The following ZSCAN25 variants were observed in gnomAD, a reference collection of about 807,000 sequenced individuals.
The protein encoded by ZSCAN25 is zinc finger and SCAN domain containing 25.
A neutral mutation model predicts 38.7 loss-of-function variants in ZSCAN25; 27 were observed. The observed-to-expected ratio is 0.70, with a 90% confidence interval of 0.51 to 0.96. The LOEUF (loss-of-function observed/expected upper bound fraction) is 0.96. Among genes scored for constraint, ZSCAN25 ranks in the 40% least tolerant of loss-of-function variants. The pLI, the probability that ZSCAN25 is intolerant of heterozygous loss-of-function variation, is 0.00. For missense variants in ZSCAN25, 637 were observed against 705.9 expected, an observed-to-expected ratio of 0.90 and a Z score of 1.11; for synonymous variants, 273 against 277.7, an observed-to-expected ratio of 0.98 and a Z score of 0.17.
At chr7:99,714,265 G>T in the ZSCAN25 span, among the ~76,000 whole-genome samples, 1 of 152,142 alleles carries the variant, frequency 6.6e-6, no homozygotes, top group African/African-American at 2.4e-5. Context: ...ACAATTTATT[G>T]AAGGGAAGTG....
chr7:99,704,425 A>C, the ZSCAN25 span, among the ~76,000 whole-genome samples: 1 of 151,840 alleles, frequency 6.6e-6, no homozygotes, highest in African/African-American at 2.4e-5. Context: ...TGGGTAGCTG[A>C]GATTACAGGC....
chr7:99,628,098 A>T (rs181657661), intron 7 of ZSCAN25, among the ~76,000 whole-genome samples: 2 of 152,132 alleles, frequency 1.3e-5, no homozygotes. Context: ...ACAAAAAGGA[A>T]AAAAAGGGTA....
the ZSCAN25 span, among the ~76,000 whole-genome samples, chr7:99,665,800 A>G: frequency 1.3e-5 from 2 of 152,282 alleles, no homozygotes; most frequent in Admixed American, 1.3e-4. Context: ...TAGAAATATC[A>G]TCCTTTATTC....
the ZSCAN25 span, among the ~76,000 whole-genome samples, chr7:99,664,301 A>C: frequency 2.6e-5 from 4 of 152,226 alleles, no homozygotes; most frequent in Admixed American, 2.0e-4. Context: ...TACAGCAGTG[A>C]GATCAATGGC....
At chr7:99,717,552 T>C in the ZSCAN25 span, 2 of 1,613,622 alleles carry the variant, frequency 1.2e-6, no homozygotes, top group East Asian at 2.2e-5. Context: ...CTGGTGAATG[T>C]TGGAGACAGC....
At chr7:99,708,883 T>C in the ZSCAN25 span, 2 of 923,406 alleles carry the variant, frequency 2.2e-6, no homozygotes, top group African/African-American at 1.7e-5. Context: ...GTTTGTAAAG[T>C]GTGACAATGA....
chr7:99,719,676 G>A, the ZSCAN25 span, among the ~76,000 whole-genome samples: 4 of 152,026 alleles, frequency 2.6e-5, no homozygotes, highest in African/African-American at 9.7e-5. Flanking sequence ...AAAAACACTC[G>A]TGACTGTAGG....
chr7:99,657,801 CTCT>C, the ZSCAN25 span, among the ~76,000 whole-genome samples: 295 of 152,256 alleles, frequency 1.9e-3, no homozygotes, highest in Non-Finnish European at 3.4e-3. Context: ...GGATAGTTAG[CTCT>C]TCTTGTTGAA....
At chr7:99,658,306 G>C in the ZSCAN25 span, among the ~76,000 whole-genome samples, 1 of 152,070 alleles carries the variant, frequency 6.6e-6, no homozygotes, top group South Asian at 2.1e-4. Context: ...GCATTTGCTT[G>C]TCTGTAAAGT....
the ZSCAN25 span, chr7:99,676,095 A>G: frequency 1.2e-6 from 2 of 1,605,930 alleles, no homozygotes; most frequent in Non-Finnish European, 1.7e-6. Flanking sequence ...GAAGCAAAAG[A>G]GGAAGCTCAA....
chr7:99,717,363 A>G, the ZSCAN25 span: 1,392,860 of 1,603,298 alleles, frequency 0.87, 615,846 homozygotes, highest in Non-Finnish European at 0.92. Flanking sequence ...GTGACATTGT[A>G]TAATGAATTT....
the ZSCAN25 span, among the ~76,000 whole-genome samples, chr7:99,675,230 G>A: frequency 6.6e-6 from 1 of 152,198 alleles, no homozygotes; most frequent in Non-Finnish European, 1.5e-5. Context: ...ATTACAATGC[G>A]TGCTCTGAGC....
At chr7:99,620,111 C>G in intron 4 of ZSCAN25, 118 bp downstream of exon 4, 1 of 1,378,134 alleles carries the variant, frequency 7.3e-7, no homozygotes, top group Non-Finnish European at 9.5e-7. Flanking sequence ...CTCCTCTGCC[C>G]TCAGACTCCC....
chr7:99,646,314 G>A, the ZSCAN25 span, among the ~76,000 whole-genome samples: 1 of 152,004 alleles, frequency 6.6e-6, no homozygotes, highest in Non-Finnish European at 1.5e-5. Flanking sequence ...AGTTTTCATT[G>A]TAGAGATCTT....
At chr7:99,715,549 A>G in the ZSCAN25 span, 1 of 804,570 alleles carries the variant, frequency 1.2e-6, no homozygotes, top group Non-Finnish European at 1.9e-6. Context: ...GATTTCTGGC[A>G]GGGGGTTGAT....
chr7:99,633,716 C>T (rs764843948), downstream of ZSCAN25, among the ~76,000 whole-genome samples: 15 of 152,176 alleles, frequency 9.9e-5, no homozygotes, highest in Non-Finnish European at 2.1e-4. Flanking sequence ...CAGGTGTGGG[C>T]CACTGCACCT....
the ZSCAN25 span, chr7:99,705,597 T>C: frequency 6.2e-7 from 1 of 1,613,196 alleles, no homozygotes; most frequent in South Asian, 1.1e-5. Context: ...CAGGGGGATC[T>C]GCAACAGTTA....
At chr7:99,633,750 ATACT>A (rs369697359), downstream of ZSCAN25, among the ~76,000 whole-genome samples, 39 of 152,316 alleles carry the variant, frequency 2.6e-4, no homozygotes, top group East Asian at 6.6e-3. Flanking sequence ...GGATTTAAAC[ATACT>A]TGGTATTGAT....
the ZSCAN25 span, among the ~76,000 whole-genome samples, chr7:99,670,178 C>G: frequency 5.5e-4 from 84 of 152,250 alleles, no homozygotes; most frequent in African/African-American, 1.9e-3. Context: ...TGAAATCAAG[C>G]TGTTTATGGT....
Sources: gnomAD v4.1 joint callset for allele counts (sites outside exome capture counted in the v4.1 genomes callset) on GRCh38, gnomAD v4.1.1 for gene constraint, MANE v1.5 for transcripts, NCBI Gene and HGNC (gene_info 2026-07-23, HGNC 2026-07-21) for gene names.